Variants in ABL2 observed in about 807,000 individuals in gnomAD.
ABL2 encodes the protein ABL proto-oncogene 2, non-receptor tyrosine kinase, also known as tyrosine-protein kinase ABL2.
A neutral mutation model predicts 107.7 loss-of-function variants in ABL2; 49 were observed. That is an observed-to-expected ratio of 0.45 (90% confidence interval 0.36 to 0.58). The LOEUF (loss-of-function observed/expected upper bound fraction) is 0.58. Ranked by LOEUF, ABL2 falls within the 20% of genes least tolerant of loss-of-function variation. The pLI, the probability that ABL2 is intolerant of heterozygous loss-of-function variation, is 0.00. For synonymous variants in ABL2, 549 were observed against 548.6 expected (o/e 1.00, Z -0.01); for missense variants, 1,245 against 1,457.0 (o/e 0.85, Z 2.37).
intron 1 of ABL2, among the ~76,000 whole-genome samples, chr1:179,213,985 AAAAAT>A (rs1476879189): frequency 6.6e-6 from 1 of 152,194 alleles, no homozygotes; most frequent in South Asian, 2.1e-4. Flanking sequence ...TTAATAAAAT[AAAAAT>A]ATCAGTACAA....
intron 1 of ABL2, among the ~76,000 whole-genome samples, chr1:179,158,557 G>A (rs188851940): frequency 1.5e-4 from 23 of 152,236 alleles, no homozygotes; most frequent in Non-Finnish European, 2.8e-4. Flanking sequence ...CTGCACTTAC[G>A]TAGTGAAACT....
chr1:179,130,837 C>T (rs567547230), intron 3 of ABL2, among the ~76,000 whole-genome samples: 4 of 151,256 alleles, frequency 2.6e-5, no homozygotes, highest in Middle Eastern at 3.4e-3. Flanking sequence ...GGGAGATTAT[C>T]CTTGTGTACA....
intron 1 of ABL2, among the ~76,000 whole-genome samples, chr1:179,196,149 A>G (rs1466536343): frequency 1.3e-5 from 2 of 152,216 alleles, no homozygotes; most frequent in African/African-American, 2.4e-5. Flanking sequence ...GACCTCGCTA[A>G]GCATATCAGT....
intron 1 of ABL2, chr1:179,221,874 A>G (rs1203880318): frequency 4.3e-6 from 1 of 233,168 alleles, no homozygotes; most frequent in Non-Finnish European, 9.6e-6. Context: ...TGGGTTATAC[A>G]ATGCCCAAAG....
rs1049620714 is a variant in ABL2, at chr1:179,108,289, A to T, written c.2978T>A (p.Leu993Gln). The change falls in exon 12 of 12, where the codon CTG (leucine) becomes CAG (glutamine). Residue 993 changes from leucine to glutamine, a missense_variant. By Grantham distance (113) the Leu-to-Gln change is moderately radical (BLOSUM62 -2). Transcript: ENST00000502732. ...GTCTGAGCAGATGGACGGATGCTGC[A>T]GTAGTCTCATCACTGGTGGTGGGGG... ...APPPPPVMRL[L>Q]QHPSICSDPT... 6.2e-7 allele frequency: 1 copy of T among 1,613,456 alleles called. No individual in the cohort carries two copies. The highest frequency in any genetic ancestry group is 8.5e-7 in the Non-Finnish European group (1 of 1,179,648).
rs141734152 is a variant in ABL2, at chr1:179,103,346, T to G, written c.*4372A>C. On this transcript the variant is annotated 3_prime_UTR_variant, in exon 12 of 12. Transcript: ENST00000502732. ...GGTACCCCACAGGGTCCATCCACAT[T>G]GAATCAACTGTCTTATCTTTTAAAC... is the stretch of plus-strand genomic sequence containing the variant. 2 of 205,580 alleles carry G rather than the reference T, an allele frequency of 9.7e-6. No homozygotes were observed. The highest frequency in any genetic ancestry group is 4.6e-5 in the African/African-American group (2 of 43,934). 12.7% of individuals were successfully genotyped at this position (205,580 alleles called of 1,614,324 possible). A position where few individuals can be genotyped will look rare whatever the true frequency, so the allele number is the denominator to read the frequency against.
At chr1:179,218,349 C>CATT (rs995686536) in intron 1 of ABL2, among the ~76,000 whole-genome samples, 4 of 152,192 alleles carry the variant, frequency 2.6e-5, no homozygotes, top group African/African-American at 9.7e-5. Context: ...AGAGTTAGTA[C>CATT]ATTACATCCT....
intron 1 of ABL2, among the ~76,000 whole-genome samples, chr1:179,161,600 A>G (rs963101183): frequency 2.0e-5 from 3 of 151,956 alleles, no homozygotes; most frequent in African/African-American, 7.3e-5. Context: ...AGTCCAAACT[A>G]CTCTAGAGGC....
At position 179,229,301 on chromosome 1, in the gene ABL2, G is replaced by T. The variant is rs747516775; in HGVS notation, c.97C>A (p.Arg33Ser). Residue 33 changes from arginine (R) to serine (S), a missense_variant, in exon 1 of 12, where the codon CGC becomes AGC. Coordinates refer to ENST00000502732, the MANE Select transcript of ABL2 (RefSeq NM_007314.4). Reference sequence around the variant, plus strand: ...GTGCGCCCCGCCGGGTCCCGCCTGCGGCCGGAGGGCCTGGCTGCACTGCTG... The same window carrying T: ...GTGCGCCCCGCCGGGTCCCGCCTGCTGCCGGAGGGCCTGGCTGCACTGCTG... Reference protein sequence around the residue: ...RGSSAARPSGRRRDPAGRTTE... With the variant: ...RGSSAARPSGSRRDPAGRTTE... The T allele has an allele frequency of 2.5e-6, 4 of 1,579,422 alleles. No homozygotes were observed. Among genetic ancestry groups the T allele is most frequent in the Non-Finnish European group, 3.4e-6 (4 of 1,164,888 alleles).
At chr1:179,139,047 C>T (rs1420147412) in intron 1 of ABL2, among the ~76,000 whole-genome samples, 3 of 152,202 alleles carry the variant, frequency 2.0e-5, no homozygotes, top group African/African-American at 4.8e-5. Flanking sequence ...ACCGGTGCTG[C>T]GCTCAATTTC....
intron 1 of ABL2, among the ~76,000 whole-genome samples, chr1:179,135,788 CCCCCGCCCGGCCAGCCG>C (rs1219808989): frequency 6.9e-6 from 1 of 144,658 alleles, no homozygotes; most frequent in African/African-American, 2.6e-5. Context: ...GGGGGTCAGC[CCCCCGCCCGGCCAGCCG>C]CCCCGTCCGG....
At chr1:179,198,491 G>A (rs1197679908) in intron 1 of ABL2, among the ~76,000 whole-genome samples, 1 of 151,808 alleles carries the variant, frequency 6.6e-6, no homozygotes, top group Non-Finnish European at 1.5e-5. Flanking sequence ...CCAAGAGTTC[G>A]AGACCAGCCT....
intron 1 of ABL2, among the ~76,000 whole-genome samples, chr1:179,214,611 A>G (rs540701076): frequency 9.6e-4 from 143 of 149,514 alleles, no homozygotes; most frequent in African/African-American, 3.3e-3. Context: ...CTATTCACAA[A>G]TTAATACAAT....
intron 6 of ABL2, 106 bp downstream of exon 6, chr1:179,120,082 ACC>A: frequency 3.1e-6 from 2 of 651,284 alleles, no homozygotes; most frequent in Admixed American, 5.6e-5. Flanking sequence ...ACAGAGCGAG[ACC>A]CTGTCTCTAT....
At chr1:179,173,739 CAA>C (rs531695122) in intron 1 of ABL2, among the ~76,000 whole-genome samples, 4 of 152,186 alleles carry the variant, frequency 2.6e-5, no homozygotes, top group Admixed American at 6.5e-5. Context: ...ATCTACAGAT[CAA>C]AAGAGACTTA....
At chr1:179,156,937 CTATT>C (rs1380502500) in intron 1 of ABL2, among the ~76,000 whole-genome samples, 1 of 150,616 alleles carries the variant, frequency 6.6e-6, no homozygotes, top group Non-Finnish European at 1.5e-5. Context: ...AAATAAAACT[CTATT>C]AAATTAATTT....
chr1:179,128,632 G>A (rs1655977316), intron 3 of ABL2, among the ~76,000 whole-genome samples: 1 of 152,182 alleles, frequency 6.6e-6, no homozygotes, highest in Admixed American at 6.6e-5. Flanking sequence ...CTGATAGGGG[G>A]ATGACTAGTA....
At chr1:179,203,476 C>G (rs1247265794) in intron 1 of ABL2, among the ~76,000 whole-genome samples, 1 of 152,118 alleles carries the variant, frequency 6.6e-6, no homozygotes, top group Non-Finnish European at 1.5e-5. Context: ...CCTGGATCAT[C>G]CCTCATTTTC....
chr1:179,189,779 C>T (rs73044761), intron 1 of ABL2, among the ~76,000 whole-genome samples: 14,351 of 152,086 alleles, frequency 0.094, 713 homozygotes, highest in African/African-American at 0.12. Flanking sequence ...TCACTTCTAT[C>T]TACCTAGAGA....
Sources: gnomAD v4.1 joint callset for allele counts (sites outside exome capture counted in the v4.1 genomes callset) on GRCh38, gnomAD v4.1.1 for gene constraint, MANE v1.5 for transcripts, NCBI Gene and HGNC (gene_info 2026-07-23, HGNC 2026-07-21) for gene names.